The following SLC7A6 variants were observed in gnomAD, a reference collection of about 807,000 sequenced individuals.
The protein encoded by SLC7A6 is Y+L amino acid transporter 2.
A neutral mutation model predicts 46.6 loss-of-function variants in SLC7A6; 29 were observed. That is an observed-to-expected ratio of 0.62 (90% CI 0.46 to 0.85). The LOEUF is 0.85. Among genes scored for constraint, SLC7A6 ranks in the 40% least tolerant of loss-of-function variants. The pLI is 0.00. For synonymous variants in SLC7A6, 276 were observed against 257.3 expected (o/e 1.07, Z -0.70); for missense variants, 527 against 647.6 (o/e 0.81, Z 2.02).
At position 68,274,870 on chromosome 16, in the gene SLC7A6, G is replaced by C; in HGVS notation, c.144G>C (p.Leu48=). 6.2e-7 allele frequency: 1 copy of C among 1,614,214 alleles called. No homozygotes were observed. The highest frequency in any genetic ancestry group is 8.5e-7 in the Non-Finnish European group (1 of 1,180,044). ...AGCTGAAGAAGGAGATCTCCCTGCT[G>C]AATGGGGTCAGCCTGGTGGTGGGCA... ...TMQLKKEISL[L]NGVSLVVGNM... is the part of the protein sequence containing the mutation. Residue 48 remains leucine (L), a synonymous_variant, in exon 3 of 11, where the codon CTG becomes CTC. Transcript: ENST00000219343.
Position 68,275,218 on chromosome 16 carries a change from G to A in SLC7A6, c.492G>A (p.Leu164=). 1.2e-6 allele frequency: 2 copies of A among 1,612,998 alleles called. No homozygotes were observed. The highest frequency in any genetic ancestry group is 1.3e-5 in the African/African-American group (1 of 74,756). ...PSFPSCDPPY[L]ACRLLAAACI... is the part of the protein sequence containing the mutation. Reference sequence around the variant, plus strand: ...TCCCCAGCTGTGATCCCCCATACCTGGCCTGCCGTCTCCTGGCTGCTGCTT... The same window carrying A: ...TCCCCAGCTGTGATCCCCCATACCTAGCCTGCCGTCTCCTGGCTGCTGCTT... The change falls in exon 3 of 11, where the codon CTG becomes CTA. Residue 164 remains leucine, a synonymous_variant. Coordinates refer to ENST00000219343, the MANE Select transcript of SLC7A6 (RefSeq NM_003983.6).
At chr16:68,279,487 AT>A (rs2042789700) in intron 3 of SLC7A6, among the ~76,000 whole-genome samples, 1 of 152,184 alleles carries the variant, frequency 6.6e-6, no homozygotes, top group Admixed American at 6.5e-5. Context: ...CAGCTTTATC[AT>A]TGACCAACTG....
At chr16:68,285,666 C>A (rs896791116) in intron 3 of SLC7A6, among the ~76,000 whole-genome samples, 8 of 152,186 alleles carry the variant, frequency 5.3e-5, no homozygotes, top group African/African-American at 1.9e-4. Context: ...GCACTTCTCT[C>A]CATTTGAATG....
chr16:68,276,935 C>T (rs977822477), intron 3 of SLC7A6, among the ~76,000 whole-genome samples: 3 of 151,606 alleles, frequency 2.0e-5, no homozygotes, highest in African/African-American at 7.3e-5. Flanking sequence ...GTCGAGGCTG[C>T]AGTGAGCTAT....
In SLC7A6 at chr16:68,300,770, A is replaced by G. The variant is rs2043256001; in HGVS notation, c.*3442A>G. On this transcript the variant is annotated 3_prime_UTR_variant, in exon 11 of 11. Transcript: ENST00000219343. The stretch of plus-strand genomic sequence containing the variant: ...TGTTAACTAAAATCTCCCACTGCTC[A>G]GACTACTTTCTGCCCTAATGGCCAT... The G allele has an allele frequency of 2.0e-6, 2 of 985,558 alleles. No homozygotes were observed. Among genetic ancestry groups the G allele is most frequent in the Non-Finnish European group, 2.4e-6 (2 of 830,008 alleles). 61.1% of individuals were successfully genotyped at this position (985,558 alleles called of 1,614,324 possible). A position where few individuals can be genotyped will look rare whatever the true frequency, so the allele number is the denominator to read the frequency against.
intron 2 of SLC7A6, among the ~76,000 whole-genome samples, chr16:68,267,360 C>T (rs1241804724): frequency 6.6e-6 from 1 of 151,508 alleles, no homozygotes; most frequent in Non-Finnish European, 1.5e-5. Flanking sequence ...ATTACAGGTG[C>T]CCACCACCAT....
At chr16:68,295,165 T>C (rs2043137698) in intron 8 of SLC7A6, among the ~76,000 whole-genome samples, 2 of 152,192 alleles carry the variant, frequency 1.3e-5, no homozygotes, top group Non-Finnish European at 2.9e-5. Flanking sequence ...CAATTATTAT[T>C]GTATGCCCCT....
At chr16:68,290,591 G>C in intron 5 of SLC7A6, 51 bp downstream of exon 5, 1 of 1,606,502 alleles carries the variant, frequency 6.2e-7, no homozygotes, top group Non-Finnish European at 8.5e-7. Context: ...AACTCCTGCT[G>C]ATAGTGGGCG....
intron 3 of SLC7A6, among the ~76,000 whole-genome samples, chr16:68,279,105 G>A (rs1189664966): frequency 6.6e-6 from 1 of 152,062 alleles, no homozygotes; most frequent in Non-Finnish European, 1.5e-5. Flanking sequence ...GGAGGCTGAG[G>A]AGGGAGGATC....
intron 2 of SLC7A6, among the ~76,000 whole-genome samples, chr16:68,270,008 T>G (rs910520894): frequency 6.6e-6 from 1 of 152,128 alleles, no homozygotes; most frequent in Non-Finnish European, 1.5e-5. Context: ...GGCCTCAAGT[T>G]CCTCCAGCCT....
intron 5 of SLC7A6, 121 bp from the exon 6 acceptor site, chr16:68,291,088 C>T: frequency 1.5e-6 from 2 of 1,296,728 alleles, no homozygotes; most frequent in South Asian, 2.5e-5. Context: ...GGTGAGCCTC[C>T]CTCAAAGACT....
rs2043244073 is a variant in SLC7A6, at chr16:68,300,121, C to T, written c.*2793C>T. On this transcript the variant is annotated 3_prime_UTR_variant, in exon 11 of 11. Transcript: ENST00000219343. ...GAATGTTCTGTGTTGTTTCCTTAGA[C>T]CTGTGGTGTCCGCTGCAACAGCTAC... The T allele has an allele frequency of 6.6e-6, 1 of 152,190 alleles. No homozygotes were observed. The highest frequency in any genetic ancestry group is 1.5e-5 in the Non-Finnish European group (1 of 68,030). 9.4% of individuals were successfully genotyped at this position (152,190 alleles called of 1,614,324 possible).
intron 3 of SLC7A6, among the ~76,000 whole-genome samples, chr16:68,277,705 G>A (rs1241280682): frequency 6.6e-6 from 1 of 151,810 alleles, no homozygotes; most frequent in African/African-American, 2.4e-5. Flanking sequence ...TCAGCTCATC[G>A]CAACCTCGGC....
At chr16:68,272,259 T>TAA (rs35135693) in intron 2 of SLC7A6, among the ~76,000 whole-genome samples, 22 of 149,956 alleles carry the variant, frequency 1.5e-4, no homozygotes, top group Admixed American at 6.0e-4. Flanking sequence ...ACAGACAAAT[T>TAA]AAAAAAAAAA....
intron 9 of SLC7A6, 46 bp downstream of exon 9, chr16:68,296,559 G>C (rs1047964539): frequency 6.2e-7 from 1 of 1,613,632 alleles, no homozygotes; most frequent in Non-Finnish European, 8.5e-7. Flanking sequence ...ATCTCCCTAA[G>C]GTGGCTTCTT....
intron 3 of SLC7A6, 61 bp from the exon 4 acceptor site, chr16:68,287,685 G>A: frequency 6.3e-7 from 1 of 1,586,674 alleles, no homozygotes; most frequent in Non-Finnish European, 8.6e-7. Flanking sequence ...TCTGTAAAGA[G>A]GGGTTGGGCC....
chr16:68,282,343 A>G (rs541236876), intron 3 of SLC7A6, among the ~76,000 whole-genome samples: 5 of 152,256 alleles, frequency 3.3e-5, no homozygotes, highest in African/African-American at 9.6e-5. Flanking sequence ...CCAAGGCAGG[A>G]GGATCACTTG....
intron 2 of SLC7A6, among the ~76,000 whole-genome samples, chr16:68,267,035 A>G (rs2151211855): frequency 6.6e-6 from 1 of 151,878 alleles, no homozygotes; most frequent in Non-Finnish European, 1.5e-5. Context: ...CCTGGATTCA[A>G]GCGATTCTCC....
chr16:68,291,429 G>A (rs4321190), intron 6 of SLC7A6, 97 bp downstream of exon 6: 2 of 1,580,248 alleles, frequency 1.3e-6, no homozygotes, highest in Admixed American at 1.7e-5. Context: ...CAGCTCTGCA[G>A]GATGAGGTCA....
Sources: gnomAD v4.1 joint callset for allele counts (sites outside exome capture counted in the v4.1 genomes callset) on GRCh38, gnomAD v4.1.1 for gene constraint, MANE v1.5 for transcripts, NCBI Gene and HGNC (gene_info 2026-07-23, HGNC 2026-07-21) for gene names.